Variants in MYT1L observed in about 807,000 individuals in gnomAD.
MYT1L encodes the protein myelin transcription factor 1 like, also known as myelin transcription factor 1-like protein.
In MYT1L, 12 loss-of-function variants were observed where a neutral mutation model predicts 126.7. The observed-to-expected ratio is 0.09, with a 90% CI of 0.06 to 0.15. The LOEUF is 0.15. Among genes scored for constraint, MYT1L ranks in the 10% least tolerant of loss-of-function variants. The pLI is 1.00. For synonymous variants in MYT1L, 541 were observed against 604.2 expected, an observed-to-expected ratio of 0.90 and a Z score of 1.53; for missense variants, 979 against 1,585.2, an observed-to-expected ratio of 0.62 and a Z score of 6.49.
chr2:2,145,001 A>G (rs1189838732), intron 3 of MYT1L, among the ~76,000 whole-genome samples: 1 of 152,272 alleles, frequency 6.6e-6, no homozygotes, highest in Admixed American at 6.5e-5. Flanking sequence ...ATCTCTGATC[A>G]TGAAGACTAT....
chr2:1,803,863 T>G (rs1416959285), intron 22 of MYT1L, among the ~76,000 whole-genome samples: 1 of 152,088 alleles, frequency 6.6e-6, no homozygotes, highest in Non-Finnish European at 1.5e-5. Flanking sequence ...CGAGGGTATG[T>G]GGAAGAGGAG....
In MYT1L at chr2:2,170,746, A is replaced by G. The variant is rs577827910; in HGVS notation, c.-304+2126T>C. Among the ~76,000 whole-genome samples the G allele has an allele frequency of 1.7e-3, 257 of 152,292 alleles. 1 individual carries two copies. The highest frequency in any genetic ancestry group is 5.5e-3 in the African/African-American group (227 of 41,556). On this transcript the variant is annotated intron_variant, in intron 3 of 24. Coordinates refer to ENST00000647738, the MANE Select transcript of MYT1L (RefSeq NM_001303052.2). ...AGATATTGACCATCCCCTGAGAGTC[A>G]AACACTAATCTTTAAAAAATGAGAA...
chr2:2,162,007 G>A (rs182462606), intron 3 of MYT1L, among the ~76,000 whole-genome samples: 45 of 152,248 alleles, frequency 3.0e-4, no homozygotes, highest in Admixed American at 5.9e-4. Context: ...TGGCGTTTAC[G>A]TTCAGGATAG....
intron 8 of MYT1L, among the ~76,000 whole-genome samples, chr2:1,957,644 T>G (rs2058610551): frequency 1.3e-5 from 2 of 152,226 alleles, no homozygotes; most frequent in South Asian, 4.1e-4. Context: ...CATCTATCTA[T>G]CGTTATCATC....
intron 3 of MYT1L, among the ~76,000 whole-genome samples, chr2:2,168,418 A>G (rs1169910378): frequency 1.3e-5 from 2 of 152,180 alleles, no homozygotes; most frequent in African/African-American, 2.4e-5. Flanking sequence ...GTGCATATGG[A>G]AAGTTCTGGA....
intron 2 of MYT1L, among the ~76,000 whole-genome samples, chr2:2,184,522 T>C (rs1204392151): frequency 6.6e-6 from 1 of 152,212 alleles, no homozygotes; most frequent in Non-Finnish European, 1.5e-5. Context: ...CTTTTAAAAA[T>C]TGGGGATTTT....
intron 8 of MYT1L, among the ~76,000 whole-genome samples, chr2:1,967,968 C>T (rs552929899): frequency 6.6e-6 from 1 of 152,234 alleles, no homozygotes; most frequent in South Asian, 2.1e-4. Context: ...TGCACTGCTC[C>T]CTGCTCACTG....
chr2:2,264,847 T>A (rs1366407917), intron 2 of MYT1L, among the ~76,000 whole-genome samples: 2 of 152,084 alleles, frequency 1.3e-5, no homozygotes, highest in African/African-American at 2.4e-5. Context: ...ATTCAGCAAC[T>A]TTTTTTAAAA....
At chr2:2,234,428 A>G (rs2094233950) in intron 2 of MYT1L, among the ~76,000 whole-genome samples, 3 of 152,244 alleles carry the variant, frequency 2.0e-5, no homozygotes, top group Non-Finnish European at 4.4e-5. Flanking sequence ...CAAACAATGC[A>G]TTTAAATCAA....
Position 2,175,659 on chromosome 2 carries a change from G to A in MYT1L, c.-420-2671C>T, listed in dbSNP as rs543878073. ...GAGCCTCTGCAAGGCAAGGATGCCC[G>A]AGCCTGGTTTTACATACTTTCCTGG... On this transcript the variant is annotated intron_variant, in intron 2 of 24. Coordinates refer to ENST00000647738, the MANE Select transcript of MYT1L (RefSeq NM_001303052.2). Among the ~76,000 whole-genome samples, 15 of 152,326 alleles carry A rather than the reference G, an allele frequency of 9.8e-5. No homozygotes were observed. The East Asian group carries it at 1.5e-3, about 16-fold the overall frequency.
intron 3 of MYT1L, among the ~76,000 whole-genome samples, chr2:2,069,645 AC>A (rs2074345515): frequency 6.6e-6 from 1 of 152,082 alleles, no homozygotes; most frequent in Admixed American, 6.5e-5. Flanking sequence ...AGGAATCACC[AC>A]ACTGTCTTCC....
In MYT1L at chr2:2,150,339, G is replaced by A. The variant is rs73913223; in HGVS notation, c.-304+22533C>T. ...GTATGGGCAATATATGTTTCATCTT[G>A]ATTTTTTGAGATAGTTTAAAACTAA... On this transcript the variant is annotated intron_variant, in intron 3 of 24. Transcript: ENST00000647738. Among the ~76,000 whole-genome samples, 1,513 of 152,222 alleles carry A rather than the reference G, an allele frequency of 9.9e-3. 27 individuals are homozygous for A. The highest frequency in any genetic ancestry group is 0.031 in the African/African-American group (1,279 of 41,536).
At chr2:2,181,301 C>T (rs1208940821) in intron 2 of MYT1L, among the ~76,000 whole-genome samples, 2 of 152,162 alleles carry the variant, frequency 1.3e-5, no homozygotes, top group East Asian at 3.9e-4. Context: ...TGTGTGTGTA[C>T]CTATGTGTCT....
At chr2:2,302,427 T>C (rs2095799133) in intron 1 of MYT1L, among the ~76,000 whole-genome samples, 1 of 152,236 alleles carries the variant, frequency 6.6e-6, no homozygotes, top group African/African-American at 2.4e-5. Flanking sequence ...TAAGGTGAGC[T>C]TTGAAAATGT....
chr2:1,868,086 C>T lies in MYT1L; in HGVS notation c.2712-16383G>A, dbSNP rs185727436. 3.2e-3 allele frequency among the ~76,000 whole-genome samples: 488 copies of T among 152,212 alleles called. 8 individuals carry two copies. Among genetic ancestry groups the T allele is most frequent in the East Asian group, 0.028 (146 of 5,156 alleles). On this transcript the variant is annotated intron_variant, in intron 18 of 24. Coordinates refer to ENST00000647738, the MANE Select transcript of MYT1L (RefSeq NM_001303052.2). ...GGTTCAGGTGATTCCCCTGCCTCAG[C>T]CTCCCAAGTAGCTGGGACTACAGGC...
intron 5 of MYT1L, among the ~76,000 whole-genome samples, chr2:1,982,408 T>A (rs75796527): frequency 7.6e-4 from 115 of 152,306 alleles, no homozygotes; most frequent in Non-Finnish European, 1.3e-3. Context: ...GCCTATAAGT[T>A]GAGAAACATT....
chr2:1,819,508 G>A (rs1477885990), intron 21 of MYT1L, among the ~76,000 whole-genome samples: 1 of 152,190 alleles, frequency 6.6e-6, no homozygotes. Flanking sequence ...GCAGGGCTGA[G>A]TTTATACCCA....
chr2:1,948,648 T>A (rs1003823403), intron 8 of MYT1L, among the ~76,000 whole-genome samples: 1 of 152,090 alleles, frequency 6.6e-6, no homozygotes, highest in Non-Finnish European at 1.5e-5. Flanking sequence ...GAGAGGAGGA[T>A]GTGGGGGCAC....
chr2:2,081,615 G>A (rs182615682), intron 3 of MYT1L, among the ~76,000 whole-genome samples: 47 of 152,326 alleles, frequency 3.1e-4, no homozygotes, highest in African/African-American at 1.1e-3. Flanking sequence ...AGCATGTACT[G>A]AAAATCTGTC....
Sources: allele counts gnomAD v4.1 joint callset (sites outside exome capture counted in the v4.1 genomes callset), GRCh38; gene constraint gnomAD v4.1.1; transcripts MANE v1.5; gene names NCBI Gene and HGNC (gene_info 2026-07-23, HGNC 2026-07-21).